Variants in SLC12A7 observed in about 807,000 individuals in gnomAD.
The protein encoded by SLC12A7 is solute carrier family 12 member 7, also known as K-Cl cotransporter 4.
In SLC12A7, 100 loss-of-function variants were observed where a neutral mutation model predicts 120.6. The observed-to-expected ratio is 0.83, with a 90% confidence interval of 0.71 to 0.98. The LOEUF is 0.98. Ranked by LOEUF, SLC12A7 falls within the 50% of genes least tolerant of loss-of-function variation. SLC12A7 has a pLI of 0.00. For synonymous variants in SLC12A7, 760 were observed against 678.0 expected, an observed-to-expected ratio of 1.12 and a Z score of -1.88; for missense variants, 1,373 against 1,548.1, an observed-to-expected ratio of 0.89 and a Z score of 1.90.
intron 14 of SLC12A7, 40 bp downstream of exon 14, chr5:1,076,098 A>G: frequency 6.5e-7 from 1 of 1,544,110 alleles, no homozygotes. Context: ...CCAGTGTCCC[A>G]GCCTGTGGGG....
At chr5:1,138,223 T>C in the SLC12A7 span, among the ~76,000 whole-genome samples, 2 of 152,096 alleles carry the variant, frequency 1.3e-5, no homozygotes, top group African/African-American at 4.8e-5. Flanking sequence ...TTCCACATCA[T>C]TGAAATGAAC....
intron 1 of SLC12A7, among the ~76,000 whole-genome samples, chr5:1,108,877 G>A (rs373994532): frequency 4.6e-5 from 7 of 152,176 alleles, no homozygotes; most frequent in East Asian, 3.9e-4. Context: ...CCACGCAACC[G>A]GGCCTCTGTC....
At position 1,052,268 on chromosome 5, in the gene SLC12A7, G is replaced by T; in HGVS notation, c.*92C>A. ...GGCGGCATCACTGGGGGACAGGTGTGTCTGCCGTCTGTTTCCCTGGGCCAA... is the reference window on the plus strand; with the variant it reads ...GGCGGCATCACTGGGGGACAGGTGTTTCTGCCGTCTGTTTCCCTGGGCCAA... On this transcript the variant is annotated 3_prime_UTR_variant, in exon 24 of 24. Transcript: ENST00000264930. 2 of 1,074,418 alleles carry T rather than the reference G, an allele frequency of 1.9e-6. No homozygotes were observed. The highest frequency in any genetic ancestry group is 2.9e-6 in the Non-Finnish European group (2 of 694,126). 66.6% of individuals were successfully genotyped at this position (1,074,418 alleles called of 1,614,324 possible).
At position 1,065,452 on chromosome 5, in the gene SLC12A7, C is replaced by T; in HGVS notation, c.2268G>A (p.Glu756=). The T allele has an allele frequency of 6.2e-7, 1 of 1,606,744 alleles. No individual in the cohort carries two copies. The highest frequency in any genetic ancestry group is 1.1e-5 in the South Asian group (1 of 90,200). The stretch of plus-strand genomic sequence containing the variant: ...CCAGCTGGCAGAAGCCCTTGGTCTT[C>T]TCTGTGCTCATTAGGGACCGTATGT... ...EENIRSLMST[E]KTKGFCQLVV... Residue 756 remains glutamate (E), a synonymous_variant, in exon 18 of 24, where the codon GAG becomes GAA. Transcript: ENST00000264930.
At chr5:1,112,138 G>A, upstream of SLC12A7, 2 of 986,114 alleles carry the variant, frequency 2.0e-6, no homozygotes, top group Non-Finnish European at 1.3e-6. Flanking sequence ...TTGCCCCGCG[G>A]CCCCACGAAA....
At chr5:1,135,672 G>A in the SLC12A7 span, among the ~76,000 whole-genome samples, 1 of 152,242 alleles carries the variant, frequency 6.6e-6, no homozygotes, top group Non-Finnish European at 1.5e-5. Context: ...AGCTTCAGGT[G>A]CGTGCATGAG....
At chr5:1,057,301 C>A in intron 22 of SLC12A7, 170 bp downstream of exon 22, 1 of 663,038 alleles carries the variant, frequency 1.5e-6, no homozygotes, top group Admixed American at 3.0e-5. Context: ...GCCTTGGCAC[C>A]AAAAGGACCC....
At chr5:1,091,381 G>A (rs2150874311) in intron 3 of SLC12A7, among the ~76,000 whole-genome samples, 1 of 152,348 alleles carries the variant, frequency 6.6e-6, no homozygotes, top group African/African-American at 2.4e-5. Flanking sequence ...GGAGCTGGAT[G>A]TCCAGGCCAG....
chr5:1,107,011 G>A (rs1579443906), intron 1 of SLC12A7, among the ~76,000 whole-genome samples: 1 of 152,196 alleles, frequency 6.6e-6, no homozygotes, highest in Non-Finnish European at 1.5e-5. Flanking sequence ...TGTGTCGAAG[G>A]TAAATGTGCA....
chr5:1,141,973 G>A, the SLC12A7 span, among the ~76,000 whole-genome samples: 2 of 152,174 alleles, frequency 1.3e-5, no homozygotes, highest in Non-Finnish European at 2.9e-5. Context: ...ACCAACTGTG[G>A]CTGTTGCTTA....
intron 10 of SLC12A7, 65 bp from the exon 11 acceptor site, chr5:1,078,823 T>TGGGGG (rs1738663344): frequency 8.3e-5 from 3 of 36,084 alleles, no homozygotes; most frequent in Non-Finnish European, 9.6e-5. Flanking sequence ...GGGGGTGGGG[T>TGGGGG]GGGGTGGGGT....
intron 1 of SLC12A7, among the ~76,000 whole-genome samples, chr5:1,103,989 G>A (rs1204713460): frequency 2.6e-5 from 4 of 152,226 alleles, no homozygotes; most frequent in African/African-American, 7.2e-5. Context: ...GAAGGAAGGC[G>A]GGAGAGGCAG....
At chr5:1,081,209 G>C (rs1227212920) in intron 9 of SLC12A7, among the ~76,000 whole-genome samples, 1 of 152,198 alleles carries the variant, frequency 6.6e-6, no homozygotes. Flanking sequence ...CAAGACGTCT[G>C]TAATCCCAGC....
rs1735108766 is a variant in SLC12A7 at position 1,052,199 on chromosome 5, T to C, written c.*161A>G. ...TAAGGCTGAACAGGAGAGCCCTAGG[T>C]GACGGGCCTAGAAACTTCCGTAGGA... On this transcript the variant is annotated 3_prime_UTR_variant, in exon 24 of 24. Transcript: ENST00000264930. The C allele has an allele frequency of 1.6e-6, 1 of 644,196 alleles. No homozygotes were observed. Among genetic ancestry groups the C allele is most frequent in the Non-Finnish European group, 2.8e-6 (1 of 358,654 alleles). 39.9% of individuals were successfully genotyped at this position (644,196 alleles called of 1,614,324 possible).
the SLC12A7 span, among the ~76,000 whole-genome samples, chr5:1,150,410 GCCCTGCAC>G: frequency 2.0e-5 from 3 of 152,108 alleles, no homozygotes; most frequent in Non-Finnish European, 4.4e-5. Context: ...CCTGGGTGGA[GCCCTGCAC>G]CAAGGCCCAA....
the SLC12A7 span, among the ~76,000 whole-genome samples, chr5:1,144,509 G>T: frequency 1.3e-5 from 2 of 152,240 alleles, no homozygotes; most frequent in African/African-American, 4.8e-5. Context: ...ACTGTGGAAC[G>T]GGAGGAGCCC....
rs200262061 is a variant in SLC12A7 at position 1,064,196 on chromosome 5, C to T, written c.2494G>A (p.Asp832Asn). The change falls in exon 19 of 24, where the codon GAC becomes AAC. Residue 832 changes from aspartate (D) to asparagine (N), a missense_variant. Asp to Asn is a conservative substitution (Grantham distance 23, BLOSUM62 1). Coordinates refer to ENST00000264930, the MANE Select transcript of SLC12A7 (RefSeq NM_006598.3). ...HQALLVAKNVDSFPQNQERFG... is the reference protein window; with the variant it reads ...HQALLVAKNVNSFPQNQERFG... ...CGCTCCTGGTTTTGCGGAAACGAGT[C>T]GACGTTCTTGGCCACCAGCAGAGCC... The T allele has an allele frequency of 5.3e-5, 86 of 1,612,376 alleles. No homozygotes were observed. In the African/African-American group the frequency reaches 8.3e-4, roughly 15 times the overall value.
In SLC12A7 at chr5:1,050,796, G is replaced by C; in HGVS notation, c.*1564C>G. 1 of 398,604 alleles carries C rather than the reference G, an allele frequency of 2.5e-6. No individual in the cohort carries two copies. Among genetic ancestry groups the C allele is most frequent in the Non-Finnish European group, 4.4e-6 (1 of 226,024 alleles). 24.7% of individuals were successfully genotyped at this position (398,604 alleles called of 1,614,324 possible). ...GCTGTGGGAACTGCTGAGCCCCGCT[G>C]TGATGTCTGGGACACGCTCTGGGCA... On this transcript the variant is annotated 3_prime_UTR_variant, in exon 24 of 24. Coordinates refer to ENST00000264930, the MANE Select transcript of SLC12A7 (RefSeq NM_006598.3).
At chr5:1,083,637 G>A (rs1206741720) in intron 8 of SLC12A7, 108 bp downstream of exon 8, 2 of 1,162,720 alleles carry the variant, frequency 1.7e-6, no homozygotes, top group East Asian at 2.5e-5. Flanking sequence ...CGGCCAGGCA[G>A]GAGGAATTGG....
Sources: allele counts gnomAD v4.1 joint callset (sites outside exome capture counted in the v4.1 genomes callset), GRCh38; gene constraint gnomAD v4.1.1; transcripts MANE v1.5; gene names NCBI Gene and HGNC (gene_info 2026-07-23, HGNC 2026-07-21).